Variants in SS18 observed in about 807,000 individuals in gnomAD.
The protein encoded by SS18 is SS18 subunit of BAF chromatin remodeling complex, also known as protein SSXT.
In SS18, 28 loss-of-function variants were observed where a neutral mutation model predicts 72.5. The observed-to-expected ratio is 0.39, with a 90% CI of 0.29 to 0.53. The LOEUF is 0.53. Among genes scored for constraint, SS18 ranks in the 20% least tolerant of loss-of-function variants. The pLI is 0.76. For synonymous variants in SS18, 172 were observed against 164.2 expected (o/e 1.05, Z -0.37); for missense variants, 518 against 535.3 (o/e 0.97, Z 0.32).
rs1157700880 is a variant in SS18, at chr18:26,071,768, C to T, written c.231+6308G>A. 2.0e-5 allele frequency among the ~76,000 whole-genome samples: 3 copies of T among 151,958 alleles called. No homozygotes were observed. The East Asian group carries it at 5.8e-4, about 29-fold the overall frequency. Reference sequence around the variant, plus strand: ...TCTTGAGCCCAAAAGTTCGAAGCTGCAGTGAGCTATGATCATGCCCCTATG... The same window carrying T: ...TCTTGAGCCCAAAAGTTCGAAGCTGTAGTGAGCTATGATCATGCCCCTATG... On this transcript the variant is annotated intron_variant, in intron 3 of 10. Transcript: ENST00000415083.
intron 3 of SS18, among the ~76,000 whole-genome samples, chr18:26,060,118 A>G (rs978947337): frequency 3.3e-5 from 5 of 152,258 alleles, no homozygotes; most frequent in Admixed American, 2.0e-4. Flanking sequence ...GGCATTATTC[A>G]TAATAGTTAA....
In SS18 at chr18:26,057,655, CTGA is replaced by C; in HGVS notation, c.316_318del (p.Ser106del). 1 of 1,614,158 alleles carries C rather than the reference CTGA, an allele frequency of 6.2e-7. No homozygotes were observed. On this transcript the variant is annotated inframe_deletion, in exon 4 of 11. Transcript: ENST00000415083. ...GGAGGACCCCCACCTACCATTCCAT[CTGA>C]AGGCATGTTGTGAGAGCGTGGAGGT...
intron 1 of SS18, chr18:26,089,629 C>T (rs2144206556): frequency 6.6e-6 from 1 of 152,342 alleles, no homozygotes; most frequent in African/African-American, 2.4e-5. Flanking sequence ...TGCTGCCTTG[C>T]TTGCAGGCAA....
intron 3 of SS18, among the ~76,000 whole-genome samples, chr18:26,060,350 CAG>C (rs2054097274): frequency 6.6e-6 from 1 of 152,072 alleles, no homozygotes. Context: ...TAGGCAAATT[CAG>C]AGAGACAGAA....
chr18:26,077,014 C>T (rs751796587), intron 3 of SS18, among the ~76,000 whole-genome samples: 5 of 151,816 alleles, frequency 3.3e-5, no homozygotes, highest in Non-Finnish European at 7.4e-5. Flanking sequence ...GGAAGTTTAT[C>T]TTTTTAAAAT....
chr18:26,057,588 C>T lies in SS18; in HGVS notation c.385+1G>A. The T allele has an allele frequency of 6.2e-7, 1 of 1,607,002 alleles. No homozygotes were observed. The highest frequency in any genetic ancestry group is 8.5e-7 in the Non-Finnish European group (1 of 1,176,206). ...TAATGTCTTAGAGGAGAAAAACTTA[C>T]CAGGCATCTGGCCGTTCATCTGGTT... On this transcript the variant is annotated splice_donor_variant, in intron 4 of 10. Coordinates refer to ENST00000415083, the MANE Select transcript of SS18 (RefSeq NM_001007559.3). LOFTEE classifies it high-confidence loss of function.
rs149732063 is a variant in SS18, at chr18:26,057,624, G to A, written c.350C>T (p.Pro117Leu). ...DGMVGGGPPA[P>L]HMQNQMNGQM... ...GCCGTTCATCTGGTTCTGCATGTGC[G>A]GTGCAGGAGGACCCCCACCTACCAT... The change falls in exon 4 of 11, where the codon CCG becomes CTG. Residue 117 changes from proline (P) to leucine (L), a missense_variant. Pro to Leu is a moderately conservative substitution (Grantham distance 98). Coordinates refer to ENST00000415083, the MANE Select transcript of SS18 (RefSeq NM_001007559.3). 26 of 1,614,102 alleles carry A rather than the reference G, an allele frequency of 1.6e-5. No individual in the cohort carries two copies. Among genetic ancestry groups the A allele is most frequent in the African/African-American group, 6.7e-5 (5 of 75,020 alleles).
In SS18 at chr18:26,032,510, A is replaced by T; in HGVS notation, c.1119T>A (p.Gly373=). 1 of 1,613,764 alleles carries T rather than the reference A, an allele frequency of 6.2e-7. No homozygotes were observed. Among genetic ancestry groups the T allele is most frequent in the Non-Finnish European group, 8.5e-7 (1 of 1,179,808 alleles). ...QGYGPSQGGP[G]PQYPNYPQGQ... ...CCTGTGGGTAGTTAGGATACTGAGG[A>T]CCTGGACCACCCTGTGAAGGACCTG... The change falls in exon 10 of 11, where the codon GGT becomes GGA. Residue 373 remains glycine (G), a synonymous_variant. Transcript: ENST00000415083.
At chr18:26,072,821 A>C (rs1403546523) in intron 3 of SS18, among the ~76,000 whole-genome samples, 2 of 150,870 alleles carry the variant, frequency 1.3e-5, no homozygotes, top group Non-Finnish European at 2.9e-5. Context: ...AAAAAAAAAA[A>C]ACCTTAAAAG....
intron 2 of SS18, chr18:26,080,261 T>A (rs1038646082): frequency 9.6e-6 from 8 of 835,306 alleles, no homozygotes; most frequent in East Asian, 1.2e-4. Context: ...TATCTTGCCA[T>A]TTTTTAAAAA....
intron 3 of SS18, among the ~76,000 whole-genome samples, chr18:26,073,487 A>G (rs1432554060): frequency 6.6e-6 from 1 of 152,244 alleles, no homozygotes; most frequent in Non-Finnish European, 1.5e-5. Context: ...GCCCAAGGGC[A>G]AAACTATTTC....
In SS18 at chr18:26,072,812, A is replaced by C. The variant is rs866717831; in HGVS notation, c.231+5264T>G. On this transcript the variant is annotated intron_variant, in intron 3 of 10. Coordinates refer to ENST00000415083, the MANE Select transcript of SS18 (RefSeq NM_001007559.3). ...ACTCCGTCTCAAAAAAAAAAAAAAAAAAAAAAAAAACCTTAAAAGAGCTAA... is the reference window on the plus strand; with the variant it reads ...ACTCCGTCTCAAAAAAAAAAAAAAACAAAAAAAAAACCTTAAAAGAGCTAA... Among the ~76,000 whole-genome samples, 174 of 151,196 alleles carry C rather than the reference A, an allele frequency of 1.2e-3. 1 individual carries two copies. Among genetic ancestry groups the C allele is most frequent in the African/African-American group, 4.1e-3 (170 of 41,270 alleles).
chr18:26,042,211 G>A (rs1266752403), intron 5 of SS18, among the ~76,000 whole-genome samples: 2 of 152,076 alleles, frequency 1.3e-5, no homozygotes, highest in African/African-American at 4.8e-5. Context: ...CCCAAAATAT[G>A]TTCTAAAAAT....
chr18:26,066,656 T>A (rs1008762872), intron 3 of SS18, among the ~76,000 whole-genome samples: 1 of 151,766 alleles, frequency 6.6e-6, no homozygotes, highest in Non-Finnish European at 1.5e-5. Context: ...GTAAGATATA[T>A]CCAATCTCTT....
intron 3 of SS18, among the ~76,000 whole-genome samples, chr18:26,060,232 T>A (rs565310260): frequency 6.6e-6 from 1 of 152,178 alleles, no homozygotes; most frequent in Non-Finnish European, 1.5e-5. Flanking sequence ...GAAATACTTA[T>A]ACATGCTACA....
rs1285327398 is a variant in SS18, at chr18:26,060,647, A to T, written c.232-2905T>A. Reference sequence around the variant, plus strand: ...CATTCAGATTTTGGAGTTCCAGGCCAGATGTGGTGGCTCATGCCTGTAATC... The same window carrying T: ...CATTCAGATTTTGGAGTTCCAGGCCTGATGTGGTGGCTCATGCCTGTAATC... On this transcript the variant is annotated intron_variant, in intron 3 of 10. Transcript: ENST00000415083. 3.3e-5 allele frequency among the ~76,000 whole-genome samples: 5 copies of T among 151,784 alleles called. No individual in the cohort carries two copies. The East Asian group carries it at 9.7e-4, about 29-fold the overall frequency.
At chr18:26,036,076 T>C (rs552632660) in intron 7 of SS18, among the ~76,000 whole-genome samples, 153 bp from the exon 8 acceptor site, 2 of 152,230 alleles carry the variant, frequency 1.3e-5, no homozygotes, top group Admixed American at 6.5e-5. Flanking sequence ...GATTTACCAA[T>C]GTGATTGTTT....
At chr18:26,083,188 T>C (rs981714575) in intron 2 of SS18, among the ~76,000 whole-genome samples, 1 of 152,184 alleles carries the variant, frequency 6.6e-6, no homozygotes, top group African/African-American at 2.4e-5. Flanking sequence ...CCCTATTTGC[T>C]TAAATTGTTC....
Position 26,039,382 on chromosome 18 carries a change from G to C in SS18, c.682C>G (p.Gln228Glu). Residue 228 changes from glutamine to glutamate, a missense_variant, in exon 6 of 11, where the codon CAG (glutamine) becomes GAG (glutamate). Physicochemically the swap from Gln to Glu is conservative, Grantham distance 29 (BLOSUM62 2). Transcript: ENST00000415083. ...PQGGGQHYQG[Q>E]QPPMGMMGQV... The stretch of plus-strand genomic sequence containing the variant: ...CCCATCATTCCCATAGGTGGCTGCT[G>C]TCCTTGGTAATGCTGTCCGCCTCCC... 1 of 1,613,850 alleles carries C rather than the reference G, an allele frequency of 6.2e-7. No individual in the cohort carries two copies. Among genetic ancestry groups the C allele is most frequent in the Non-Finnish European group, 8.5e-7 (1 of 1,179,872 alleles).
Sources: gnomAD v4.1 joint callset for allele counts (sites outside exome capture counted in the v4.1 genomes callset) on GRCh38, gnomAD v4.1.1 for gene constraint, MANE v1.5 for transcripts, NCBI Gene and HGNC (gene_info 2026-07-23, HGNC 2026-07-21) for gene names.